Variants in PKNOX2 observed in about 807,000 individuals in gnomAD.
PKNOX2 encodes homeobox protein PKNOX2.
A neutral mutation model predicts 53.1 loss-of-function variants in PKNOX2; 14 were observed. The observed-to-expected ratio is 0.26, with a 90% CI of 0.17 to 0.41. The LOEUF (loss-of-function observed/expected upper bound fraction) is 0.41, where lower values mean the gene tolerates loss of function less well. Ranked by LOEUF, PKNOX2 falls within the 10% of genes least tolerant of loss-of-function variation. The pLI is 1.00. For missense variants in PKNOX2, 496 were observed against 602.8 expected (o/e 0.82, Z 1.85); for synonymous variants, 257 against 242.8 (o/e 1.06, Z -0.54).
chr11:125,230,868 A>C (rs1702858575), intron 1 of PKNOX2, among the ~76,000 whole-genome samples: 1 of 152,214 alleles, frequency 6.6e-6, no homozygotes, highest in Non-Finnish European at 1.5e-5. Context: ...ATTGAGGTTC[A>C]TAGAAGCTAA....
At chr11:125,351,471 C>CT (rs1400351621) in intron 4 of PKNOX2, 79 bp downstream of exon 4, 1 of 943,206 alleles carries the variant, frequency 1.1e-6, no homozygotes, top group African/African-American at 1.6e-5. Flanking sequence ...CAGGCTGGGA[C>CT]ATTCCAGGGG....
chr11:125,344,189 T>C (rs1233694187), intron 3 of PKNOX2, among the ~76,000 whole-genome samples: 1 of 152,176 alleles, frequency 6.6e-6, no homozygotes, highest in African/African-American at 2.4e-5. Context: ...CTTCTGCTCA[T>C]CTCTAGGCTG....
chr11:125,408,899 C>T (rs182434372), intron 7 of PKNOX2, among the ~76,000 whole-genome samples: 42 of 152,288 alleles, frequency 2.8e-4, no homozygotes, highest in African/African-American at 8.4e-4. Context: ...AAACAAAAAC[C>T]GGGAAGCTGG....
intron 2 of PKNOX2, among the ~76,000 whole-genome samples, chr11:125,314,858 T>G (rs1475103570): frequency 6.6e-6 from 1 of 152,082 alleles, no homozygotes; most frequent in Non-Finnish European, 1.5e-5. Context: ...GCAGCCTCCT[T>G]AAGGGAAAAG....
intron 6 of PKNOX2, among the ~76,000 whole-genome samples, chr11:125,392,969 A>T (rs977356405): frequency 6.6e-6 from 1 of 151,844 alleles, no homozygotes; most frequent in East Asian, 1.9e-4. Flanking sequence ...CTATCCTGGG[A>T]AACACAGTGA....
intron 7 of PKNOX2, among the ~76,000 whole-genome samples, chr11:125,405,639 G>A (rs1955041543): frequency 6.6e-6 from 1 of 152,190 alleles, no homozygotes; most frequent in Non-Finnish European, 1.5e-5. Flanking sequence ...TGTGAAGAAT[G>A]AGTGGCAGTC....
intron 2 of PKNOX2, among the ~76,000 whole-genome samples, chr11:125,238,070 T>TA (rs1942867579): frequency 6.6e-6 from 1 of 152,196 alleles, no homozygotes; most frequent in South Asian, 2.1e-4. Context: ...CTCCAAGAAC[T>TA]ATAGTCTCTT....
chr11:125,390,844 T>C (rs1330528258), intron 6 of PKNOX2, among the ~76,000 whole-genome samples: 1 of 152,250 alleles, frequency 6.6e-6, no homozygotes, highest in Non-Finnish European at 1.5e-5. Flanking sequence ...TCTTGCGTGA[T>C]GGTTTCCACA....
intron 4 of PKNOX2, among the ~76,000 whole-genome samples, chr11:125,366,958 T>G (rs538592450): frequency 2.0e-5 from 3 of 152,198 alleles, no homozygotes; most frequent in African/African-American, 7.2e-5. Context: ...GATAAGTACA[T>G]GAAGCCCAAC....
chr11:125,173,231 T>G (rs1955452192), intron 1 of PKNOX2, among the ~76,000 whole-genome samples: 1 of 152,232 alleles, frequency 6.6e-6, no homozygotes, highest in African/African-American at 2.4e-5. Context: ...ATTAGTCTTC[T>G]GTCCTAATAA....
At chr11:125,288,854 G>T (rs1266803242) in intron 2 of PKNOX2, among the ~76,000 whole-genome samples, 1 of 152,168 alleles carries the variant, frequency 6.6e-6, no homozygotes, top group Non-Finnish European at 1.5e-5. Flanking sequence ...AGTGAGATCC[G>T]CAGGTGCTTT....
intron 7 of PKNOX2, 59 bp downstream of exon 7, chr11:125,398,121 C>T: frequency 6.6e-7 from 1 of 1,514,992 alleles, no homozygotes; most frequent in Non-Finnish European, 8.9e-7. Context: ...AGCTCTGGAG[C>T]CACGCGTGGA....
At chr11:125,296,673 G>T (rs1280368737) in intron 2 of PKNOX2, among the ~76,000 whole-genome samples, 2 of 152,258 alleles carry the variant, frequency 1.3e-5, no homozygotes, top group East Asian at 3.9e-4. Flanking sequence ...GTCTCGCTCT[G>T]TTGCCAGGCT....
chr11:125,361,570 A>G (rs373075379), intron 4 of PKNOX2, among the ~76,000 whole-genome samples: 29 of 151,858 alleles, frequency 1.9e-4, no homozygotes, highest in African/African-American at 6.8e-4. Context: ...TTATTTATTT[A>G]TCTTATTATA....
At chr11:125,275,733 GT>G (rs149697702) in intron 2 of PKNOX2, among the ~76,000 whole-genome samples, 5,047 of 152,220 alleles carry the variant, frequency 0.033, 313 homozygotes, top group African/African-American at 0.12. Flanking sequence ...GCAGAAGGTG[GT>G]GTAGGATCTG....
intron 10 of PKNOX2, among the ~76,000 whole-genome samples, chr11:125,423,925 A>G (rs2135656612): frequency 6.6e-6 from 1 of 152,304 alleles, no homozygotes; most frequent in South Asian, 2.1e-4. Flanking sequence ...CACAGTGGAA[A>G]ACTACACAGC....
chr11:125,290,051 T>TCCCAGC (rs1441689182), intron 2 of PKNOX2, among the ~76,000 whole-genome samples: 6 of 152,190 alleles, frequency 3.9e-5, no homozygotes, highest in Admixed American at 3.9e-4. Flanking sequence ...CAGAGCTCCT[T>TCCCAGC]CCCAGCCCCA....
rs564576707 is a variant in PKNOX2, at chr11:125,179,533, G to A, written c.-201+14757G>A. Among the ~76,000 whole-genome samples, 649 of 152,324 alleles carry A rather than the reference G, an allele frequency of 4.3e-3. 1 individual carries two copies. Among genetic ancestry groups the A allele is most frequent in the Non-Finnish European group, 6.8e-3 (466 of 68,040 alleles). ...TGAAGGCCCCCCGGCAGGGAGGAAGGGCTGTGCCTGCAAGAGCTGACAGGC... is the reference window on the plus strand; with the variant it reads ...TGAAGGCCCCCCGGCAGGGAGGAAGAGCTGTGCCTGCAAGAGCTGACAGGC... On this transcript the variant is annotated intron_variant, in intron 1 of 12. Transcript: ENST00000298282.
chr11:125,322,824 TCA>T (rs1251418170), intron 2 of PKNOX2, among the ~76,000 whole-genome samples: 1 of 152,228 alleles, frequency 6.6e-6, no homozygotes, highest in African/African-American at 2.4e-5. Context: ...CAGTTAAGTC[TCA>T]GTTTTGCTTA....
Sources: allele counts gnomAD v4.1 joint callset (sites outside exome capture counted in the v4.1 genomes callset), GRCh38; gene constraint gnomAD v4.1.1; transcripts MANE v1.5; gene names NCBI Gene and HGNC (gene_info 2026-07-23, HGNC 2026-07-21).